ARHGAP42: variants seen among roughly 807,000 people sequenced by gnomAD.
ARHGAP42 encodes the protein Rho GTPase activating protein 42.
A neutral mutation model predicts 125.0 loss-of-function variants in ARHGAP42; 63 were observed. The ratio of observed to expected loss-of-function variants is 0.50; its 90% CI spans 0.41 to 0.62. The LOEUF (loss-of-function observed/expected upper bound fraction) is 0.62, where lower values mean the gene tolerates loss of function less well. ARHGAP42 is among the 20% of genes least tolerant of loss of function. ARHGAP42 has a pLI of 0.00. For synonymous variants in ARHGAP42, 339 were observed against 351.0 expected (o/e 0.97, Z 0.38); for missense variants, 766 against 1,024.2 (o/e 0.75, Z 3.44).
chr11:100,887,825 T>C (rs1438335886), intron 4 of ARHGAP42, among the ~76,000 whole-genome samples: 2 of 152,148 alleles, frequency 1.3e-5, no homozygotes, highest in Non-Finnish European at 2.9e-5. Context: ...TAGTGGTTGA[T>C]AGGGGCAGGA....
chr11:100,886,166 A>G (rs1433829637), intron 4 of ARHGAP42, among the ~76,000 whole-genome samples: 1 of 152,224 alleles, frequency 6.6e-6, no homozygotes, highest in Non-Finnish European at 1.5e-5. Flanking sequence ...TTAGATTTCA[A>G]AGGATTCAAA....
At chr11:100,921,231 ATATATATATATATATTTTTTTTTT>A (rs1400465187) in intron 5 of ARHGAP42, among the ~76,000 whole-genome samples, 334 of 48,068 alleles carry the variant, frequency 6.9e-3, no homozygotes, top group East Asian at 0.031. Context: ...ATATATATAT[ATATATATATATATATTTTTTTTTT>A]TTTTTTTTTT....
chr11:100,791,575 A>G (rs1863569167), intron 2 of ARHGAP42, among the ~76,000 whole-genome samples: 1 of 152,138 alleles, frequency 6.6e-6, no homozygotes, highest in Admixed American at 6.5e-5. Context: ...ACAAATGACA[A>G]ACATGAGTGT....
intron 4 of ARHGAP42, among the ~76,000 whole-genome samples, chr11:100,866,595 G>C (rs1243911090): frequency 6.6e-6 from 1 of 152,170 alleles, no homozygotes; most frequent in Non-Finnish European, 1.5e-5. Flanking sequence ...TTACAATCAT[G>C]GGGGAAGGGG....
intron 22 of ARHGAP42, 62 bp downstream of exon 22, chr11:100,979,111 G>C: frequency 6.8e-7 from 1 of 1,474,018 alleles, no homozygotes; most frequent in Non-Finnish European, 9.3e-7. Context: ...GCTTTGTATT[G>C]ACATGACACT....
chr11:100,897,771 TC>T (rs1486991241), intron 4 of ARHGAP42, among the ~76,000 whole-genome samples: 2 of 152,186 alleles, frequency 1.3e-5, no homozygotes, highest in Non-Finnish European at 2.9e-5. Flanking sequence ...AAGTATACAG[TC>T]ATGTCATCTG....
intron 10 of ARHGAP42, among the ~76,000 whole-genome samples, chr11:100,946,998 G>T (rs10791435): frequency 0.88 from 133,448 of 151,308 alleles, 58,934 homozygotes; most frequent in East Asian, 1. Context: ...CTAGGCTGCT[G>T]TAAACTGTGT....
At chr11:100,757,245 A>G (rs994588165) in intron 1 of ARHGAP42, among the ~76,000 whole-genome samples, 2 of 152,304 alleles carry the variant, frequency 1.3e-5, no homozygotes, top group Non-Finnish European at 1.5e-5. Context: ...AGGAACATCC[A>G]TAGTTATTTA....
At chr11:100,950,063 C>CAATGGTG in intron 12 of ARHGAP42, 107 bp downstream of exon 12, 2 of 555,250 alleles carry the variant, frequency 3.6e-6, no homozygotes, top group African/African-American at 1.9e-5. Flanking sequence ...CACCATTGAT[C>CAATGGTG]TCATGGTACA....
chr11:100,913,952 T>C (rs938052357), intron 5 of ARHGAP42, among the ~76,000 whole-genome samples: 3 of 152,152 alleles, frequency 2.0e-5, no homozygotes, highest in African/African-American at 7.2e-5. Context: ...ATTTTATTTT[T>C]GAGATGGAGT....
chr11:100,743,483 A>G (rs1862231963), intron 1 of ARHGAP42, among the ~76,000 whole-genome samples: 2 of 152,108 alleles, frequency 1.3e-5, no homozygotes, highest in South Asian at 4.1e-4. Context: ...CTTTTATCTC[A>G]CCACTCTCAG....
intron 1 of ARHGAP42, among the ~76,000 whole-genome samples, chr11:100,711,733 G>T (rs934155300): frequency 1.3e-5 from 2 of 152,184 alleles, no homozygotes; most frequent in Non-Finnish European, 2.9e-5. Flanking sequence ...CAATAAACAA[G>T]GGGAAAGAAA....
chr11:100,795,502 A>G (rs183631069), intron 3 of ARHGAP42, among the ~76,000 whole-genome samples: 84 of 152,292 alleles, frequency 5.5e-4, no homozygotes, highest in African/African-American at 1.9e-3. Context: ...CCTCAGTGTT[A>G]TAATACAAAC....
At chr11:100,753,142 C>A (rs1437729428) in intron 1 of ARHGAP42, among the ~76,000 whole-genome samples, 1 of 152,054 alleles carries the variant, frequency 6.6e-6, no homozygotes, top group Non-Finnish European at 1.5e-5. Flanking sequence ...GTGTACAGGG[C>A]AAGCAGAGGC....
chr11:100,745,673 A>T (rs1862286840), intron 1 of ARHGAP42, among the ~76,000 whole-genome samples: 1 of 152,178 alleles, frequency 6.6e-6, no homozygotes, highest in African/African-American at 2.4e-5. Flanking sequence ...AAGGTACAAC[A>T]TTGAGTTTTA....
chr11:100,969,463 T>A (rs769226000), intron 17 of ARHGAP42, among the ~76,000 whole-genome samples: 7 of 152,182 alleles, frequency 4.6e-5, no homozygotes, highest in Non-Finnish European at 1.0e-4. Flanking sequence ...CTCTCTTTCA[T>A]CTGCTACTGG....
chr11:100,943,400 T>C (rs578220945), intron 9 of ARHGAP42, among the ~76,000 whole-genome samples: 38 of 152,206 alleles, frequency 2.5e-4, no homozygotes, highest in Middle Eastern at 6.8e-3. Context: ...ACAAGCACTC[T>C]GTATATCCAA....
Position 100,990,164 on chromosome 11 carries a change from G to A in ARHGAP42, c.*1363G>A, listed in dbSNP as rs1436709782. 3.3e-5 allele frequency: 5 copies of A among 152,174 alleles called. No individual in the cohort carries two copies. In the East Asian group the frequency reaches 7.7e-4, roughly 24 times the overall value. The allele number at this position is 152,174 out of a possible 1,614,324, so 9.4% of individuals were successfully genotyped here. A position where few individuals can be genotyped will look rare whatever the true frequency, so the allele number is the denominator to read the frequency against. Reference sequence around the variant, plus strand: ...ATGTAATATCTGTATGTGGCAAAGAGCCTTTCTTCTCAAGATCCTGAAAAG... The same window carrying A: ...ATGTAATATCTGTATGTGGCAAAGAACCTTTCTTCTCAAGATCCTGAAAAG... On this transcript the variant is annotated 3_prime_UTR_variant, in exon 24 of 24. Coordinates refer to ENST00000298815, the MANE Select transcript of ARHGAP42 (RefSeq NM_152432.4).
chr11:100,905,914 C>G (rs1407453574), intron 4 of ARHGAP42, among the ~76,000 whole-genome samples: 2 of 152,202 alleles, frequency 1.3e-5, no homozygotes, highest in Non-Finnish European at 2.9e-5. Flanking sequence ...GAGGCGGAAG[C>G]TGCAGTGAGC....
Sources: gnomAD v4.1 joint callset for allele counts (sites outside exome capture counted in the v4.1 genomes callset) on GRCh38, gnomAD v4.1.1 for gene constraint, MANE v1.5 for transcripts, NCBI Gene and HGNC (gene_info 2026-07-23, HGNC 2026-07-21) for gene names.